Variants in UQCR11 observed in about 807,000 individuals in gnomAD.
The protein encoded by UQCR11 is ubiquinol-cytochrome c reductase, complex III subunit XI, also known as cytochrome b-c1 complex subunit 10.
A neutral mutation model predicts 7.6 loss-of-function variants in UQCR11; 10 were observed. The observed-to-expected ratio is 1.31, with a 90% CI of 0.81 to 2.22. UQCR11 has a LOEUF of 2.22. UQCR11 is among the 30% of genes most tolerant of loss of function. The pLI, the probability that UQCR11 is intolerant of heterozygous loss-of-function variation, is 0.00. For missense variants in UQCR11, 86 were observed against 75.1 expected, an observed-to-expected ratio of 1.15 and a Z score of -0.54; for synonymous variants, 34 against 34.9, an observed-to-expected ratio of 0.97 and a Z score of 0.09.
rs1456880883 is a variant in UQCR11 at position 1,597,544 on chromosome 19, C to T, written c.*700G>A. ...CACTGTGGCTTGCTCCTTCCTCTCCCTTGGTTCACCTGCTCTGGGGAAGGC... is the reference window on the plus strand; with the variant it reads ...CACTGTGGCTTGCTCCTTCCTCTCCTTTGGTTCACCTGCTCTGGGGAAGGC... On this transcript the variant is annotated 3_prime_UTR_variant, in exon 3 of 3. Coordinates refer to ENST00000591899, the MANE Select transcript of UQCR11 (RefSeq NM_006830.4). 2.0e-5 allele frequency: 3 copies of T among 152,276 alleles called. No individual in the cohort carries two copies. The South Asian group carries it at 6.2e-4, about 31-fold the overall frequency. 9.4% of individuals were successfully genotyped at this position (152,276 alleles called of 1,614,324 possible). A position where few individuals can be genotyped will look rare whatever the true frequency, so the allele number is the denominator to read the frequency against.
At chr19:1,599,128 C>T in intron 2 of UQCR11, 1 of 346,662 alleles carries the variant, frequency 2.9e-6, no homozygotes. Flanking sequence ...CTGCAGTGCC[C>T]ACTGAGACGG....
intron 1 of UQCR11, among the ~76,000 whole-genome samples, chr19:1,599,945 C>G (rs1290650923): frequency 1.3e-5 from 2 of 152,260 alleles, no homozygotes; most frequent in African/African-American, 4.8e-5. Context: ...AGTCCCTGTT[C>G]CCAGGCGAGG....
rs201806037 is a variant in UQCR11, at chr19:1,599,546, T to C, written c.65A>G (p.Tyr22Cys). ...CACGGCGCCCACAGCGCCCCATGTGTAGGCCGTCGGGACCCTGCGAGAGGA... is the reference window on the plus strand; with the variant it reads ...CACGGCGCCCACAGCGCCCCATGTGCAGGCCGTCGGGACCCTGCGAGAGGA... ...ELVKNWVPTAYTWGAVGAVGL... is the reference protein window; with the variant it reads ...ELVKNWVPTACTWGAVGAVGL... The change falls in exon 2 of 3, where the codon TAC becomes TGC. Residue 22 changes from tyrosine (Y) to cysteine (C), a missense_variant. Coordinates refer to ENST00000591899, the MANE Select transcript of UQCR11 (RefSeq NM_006830.4). 8.6e-5 allele frequency: 139 copies of C among 1,611,024 alleles called. No individual in the cohort carries two copies. The highest frequency in any genetic ancestry group is 1.2e-4 in the Non-Finnish European group (139 of 1,179,990).
At chr19:1,603,585 C>T (rs1034859026) in intron 1 of UQCR11, among the ~76,000 whole-genome samples, 1 of 151,924 alleles carries the variant, frequency 6.6e-6, no homozygotes, top group Non-Finnish European at 1.5e-5. Context: ...CCAGCCGGGG[C>T]GACAGAGCAA....
chr19:1,599,175 C>T, intron 2 of UQCR11: 1 of 471,998 alleles, frequency 2.1e-6, no homozygotes, highest in Non-Finnish European at 3.8e-6. Context: ...TGGGATTGTC[C>T]AGAGGGAGGG....
chr19:1,599,197 C>T, intron 2 of UQCR11: 1 of 551,982 alleles, frequency 1.8e-6, no homozygotes, highest in Non-Finnish European at 3.1e-6. Flanking sequence ...GAGGCCCACA[C>T]CCCAATCACA....
chr19:1,604,277 C>T (rs574043741), intron 1 of UQCR11, among the ~76,000 whole-genome samples: 1 of 151,746 alleles, frequency 6.6e-6, no homozygotes, highest in African/African-American at 2.4e-5. Context: ...TAAGGTCTTG[C>T]TGTGTTGCCC....
At chr19:1,602,013 C>G (rs2060748641) in intron 1 of UQCR11, 1 of 151,876 alleles carries the variant, frequency 6.6e-6, no homozygotes. Context: ...AATATAAAAA[C>G]TAGCCCGGTG....
chr19:1,600,479 C>T (rs1183506246), intron 1 of UQCR11, among the ~76,000 whole-genome samples: 2 of 152,122 alleles, frequency 1.3e-5, no homozygotes, highest in African/African-American at 2.4e-5. Context: ...TCCCAAAGTG[C>T]TGGGATTACA....
At chr19:1,603,045 T>C (rs2060751730) in intron 1 of UQCR11, among the ~76,000 whole-genome samples, 1 of 152,190 alleles carries the variant, frequency 6.6e-6, no homozygotes. Flanking sequence ...CTCTCAGTCC[T>C]AAGTCTGAGA....
intron 2 of UQCR11, chr19:1,599,016 G>A (rs2060739281): frequency 4.6e-6 from 1 of 215,890 alleles, no homozygotes; most frequent in South Asian, 6.5e-5. Flanking sequence ...GATGCGTCCA[G>A]GGCCTCACAG....
chr19:1,605,263 G>T (rs2060758658), intron 1 of UQCR11, 97 bp downstream of exon 1: 1 of 1,389,086 alleles, frequency 7.2e-7, no homozygotes, highest in Admixed American at 3.2e-5. Flanking sequence ...GGCCCGGCCC[G>T]GCCCGGCCCC....
At position 1,597,972 on chromosome 19, in the gene UQCR11, C is replaced by A. The variant is rs1053922815; in HGVS notation, c.*272G>T. 3 of 152,244 alleles carry A rather than the reference C, an allele frequency of 2.0e-5. No individual in the cohort carries two copies. Among genetic ancestry groups the A allele is most frequent in the Non-Finnish European group, 4.4e-5 (3 of 68,062 alleles). The allele number at this position is 152,244 out of a possible 1,614,324, so 9.4% of individuals were successfully genotyped here. A position where few individuals can be genotyped will look rare whatever the true frequency, so the allele number is the denominator to read the frequency against. On this transcript the variant is annotated 3_prime_UTR_variant, in exon 3 of 3. Transcript: ENST00000591899. ...TTGCAACATTCTGGAGCTGAAAGGACGCCTGGGTCACCTGTGCCACTCCAG... is the reference window on the plus strand; with the variant it reads ...TTGCAACATTCTGGAGCTGAAAGGAAGCCTGGGTCACCTGTGCCACTCCAG...
chr19:1,604,191 C>T (rs569137942), intron 1 of UQCR11, among the ~76,000 whole-genome samples: 11 of 152,210 alleles, frequency 7.2e-5, no homozygotes, highest in Admixed American at 2.0e-4. Context: ...GTGATTCGCC[C>T]GCCTTGGCCT....
chr19:1,601,586 C>T (rs1023552888), intron 1 of UQCR11, among the ~76,000 whole-genome samples: 3 of 142,988 alleles, frequency 2.1e-5, no homozygotes, highest in South Asian at 2.2e-4. Context: ...GGTGACAGAG[C>T]GAGACACCGT....
rs1400391896 is a variant in UQCR11, at chr19:1,597,851, T to C, written c.*393A>G. On this transcript the variant is annotated 3_prime_UTR_variant, in exon 3 of 3. Coordinates refer to ENST00000591899, the MANE Select transcript of UQCR11 (RefSeq NM_006830.4). Reference sequence around the variant, plus strand: ...CTTTAAGCCACTACGTGTGGGTGACTTGTTAAGGCAGCAACGGATGAACAC... The same window carrying C: ...CTTTAAGCCACTACGTGTGGGTGACCTGTTAAGGCAGCAACGGATGAACAC... The C allele has an allele frequency of 6.6e-6, 1 of 152,254 alleles. No homozygotes were observed. The highest frequency in any genetic ancestry group is 2.4e-5 in the African/African-American group (1 of 41,462). The allele number at this position is 152,254 out of a possible 1,614,324, so 9.4% of individuals were successfully genotyped here.
intron 1 of UQCR11, among the ~76,000 whole-genome samples, chr19:1,600,894 C>T (rs763291111): frequency 9.9e-5 from 15 of 152,152 alleles, no homozygotes; most frequent in Admixed American, 4.6e-4. Context: ...AGAGGCTGGG[C>T]GTGGTGGCTC....
At chr19:1,599,249 C>T (rs1040284312) in intron 2 of UQCR11, 163 bp downstream of exon 2, 27 of 899,458 alleles carry the variant, frequency 3.0e-5, no homozygotes, top group Admixed American at 1.4e-4. Context: ...GCCCGTGGGC[C>T]GGAGATGCCA....
At chr19:1,599,608 A>G (rs1178144802) in intron 1 of UQCR11, 48 bp from the exon 2 acceptor site, 9 of 1,596,938 alleles carry the variant, frequency 5.6e-6, no homozygotes, top group African/African-American at 1.3e-5. Flanking sequence ...CCCTTTCTCC[A>G]AGACCCTCTC....
Sources: gnomAD v4.1 joint callset for allele counts (sites outside exome capture counted in the v4.1 genomes callset) on GRCh38, gnomAD v4.1.1 for gene constraint, MANE v1.5 for transcripts, NCBI Gene and HGNC (gene_info 2026-07-23, HGNC 2026-07-21) for gene names.